Variants in CERS5 observed in about 807,000 individuals in gnomAD.
CERS5 encodes the protein LAG1 homolog, ceramide synthase 5.
In CERS5, 37 loss-of-function variants were observed where a neutral mutation model predicts 58.9. The observed-to-expected ratio is 0.63, with a 90% CI of 0.48 to 0.83. The LOEUF (loss-of-function observed/expected upper bound fraction) is 0.83. Among genes scored for constraint, CERS5 ranks in the 40% least tolerant of loss-of-function variants. The pLI, the probability that CERS5 is intolerant of heterozygous loss-of-function variation, is 0.00. For synonymous variants in CERS5, 147 were observed against 177.8 expected, an observed-to-expected ratio of 0.83 and a Z score of 1.38; for missense variants, 398 against 489.3, an observed-to-expected ratio of 0.81 and a Z score of 1.76.
chr12:50,162,790 G>C (rs1314217946), intron 1 of CERS5, among the ~76,000 whole-genome samples: 1 of 152,130 alleles, frequency 6.6e-6, no homozygotes. Context: ...TTTTAGTAGA[G>C]ATGGGGTTTC....
chr12:50,143,267 A>G, intron 2 of CERS5, 63 bp from the exon 3 acceptor site: 1 of 1,585,206 alleles, frequency 6.3e-7, no homozygotes, highest in Non-Finnish European at 8.6e-7. Flanking sequence ...AATCCCATTG[A>G]CTAGCTGAGC....
At chr12:50,134,912 A>G in intron 8 of CERS5, 1 of 566,360 alleles carries the variant, frequency 1.8e-6, no homozygotes, top group South Asian at 2.3e-5. Flanking sequence ...AGATATATAA[A>G]TCTTAGGAAC....
intron 1 of CERS5, among the ~76,000 whole-genome samples, chr12:50,148,919 AAAAAAAAAAT>A (rs1429526618): frequency 5.6e-5 from 4 of 70,894 alleles, no homozygotes; most frequent in African/African-American, 1.6e-4. Flanking sequence ...AAAAAAAAAA[AAAAAAAAAAT>A]ATATATATAT....
chr12:50,132,821 AG>A, intron 9 of CERS5: 1 of 1,072,622 alleles, frequency 9.3e-7, no homozygotes, highest in South Asian at 1.8e-5. Context: ...CTGCAGCTCT[AG>A]TCAATAATGG....
intron 9 of CERS5, among the ~76,000 whole-genome samples, chr12:50,132,607 G>C (rs1370356656): frequency 6.6e-6 from 1 of 152,136 alleles, no homozygotes; most frequent in South Asian, 2.1e-4. Flanking sequence ...CTTTGGATCA[G>C]CTCCTTGAAT....
At chr12:50,158,769 G>A (rs764135380) in intron 1 of CERS5, among the ~76,000 whole-genome samples, 42 of 152,128 alleles carry the variant, frequency 2.8e-4, no homozygotes, top group Non-Finnish European at 4.7e-4. Context: ...CTTTATGCCT[G>A]TAATTGCGAC....
chr12:50,162,432 A>G (rs1049501847), intron 1 of CERS5, among the ~76,000 whole-genome samples: 6 of 152,212 alleles, frequency 3.9e-5, no homozygotes, highest in Middle Eastern at 3.4e-3. Flanking sequence ...CTGTAAAAGG[A>G]GGCCGGAGTT....
intron 1 of CERS5, among the ~76,000 whole-genome samples, chr12:50,155,636 C>T (rs936177710): frequency 5.5e-5 from 8 of 145,752 alleles, no homozygotes; most frequent in African/African-American, 2.0e-4. Flanking sequence ...ACTCGGGAGG[C>T]TGAGGCAGGA....
chr12:50,148,612 A>G (rs1952442353), intron 1 of CERS5: 2 of 310,764 alleles, frequency 6.4e-6, no homozygotes, highest in African/African-American at 2.2e-5. Context: ...AAATAAATAA[A>G]TAGGCCGGGC....
chr12:50,134,196 C>T (rs986071905), intron 9 of CERS5: 2 of 339,368 alleles, frequency 5.9e-6, no homozygotes, highest in Non-Finnish European at 1.1e-5. Flanking sequence ...GCCTGGGTAA[C>T]ATAGTGACAC....
At chr12:50,147,873 G>A (rs1952380874) in intron 1 of CERS5, among the ~76,000 whole-genome samples, 1 of 152,084 alleles carries the variant, frequency 6.6e-6, no homozygotes, top group South Asian at 2.1e-4. Flanking sequence ...GACTTCCTAA[G>A]CTCAAGTGAT....
chr12:50,130,817 A>C lies in CERS5; in HGVS notation c.1030-123T>G, dbSNP rs914627864. 16 of 794,198 alleles carry C rather than the reference A, an allele frequency of 2.0e-5. No homozygotes were observed. In the African/African-American group the frequency reaches 2.6e-4, roughly 13 times the overall value. The allele number at this position is 794,198 out of a possible 1,614,324, so 49.2% of individuals were successfully genotyped here. ...CTGCTTTCTGATGACATCTAACTCA[A>C]AGAAGTATTGTCTGGACTATGGCTA... On this transcript the variant is annotated intron_variant, in intron 9 of 9. Transcript: ENST00000317551.
At chr12:50,133,204 T>G in intron 9 of CERS5, 8 of 1,170,892 alleles carry the variant, frequency 6.8e-6, no homozygotes, top group Non-Finnish European at 8.6e-6. Context: ...TAGGCCACAT[T>G]CCATCACTTG....
chr12:50,165,562 A>C (rs1394187586), intron 1 of CERS5: 1 of 153,202 alleles, frequency 6.5e-6, no homozygotes. Context: ...CTGGCAGAGC[A>C]TTTTGATGAT....
At chr12:50,134,474 T>G (rs751613450) in intron 9 of CERS5, 72 bp downstream of exon 9, 2 of 1,612,494 alleles carry the variant, frequency 1.2e-6, no homozygotes. Flanking sequence ...CCAGGTTTGA[T>G]GGAGAGAGAA....
At chr12:50,133,104 A>G (rs1214183376) in intron 9 of CERS5, 7 of 1,283,206 alleles carry the variant, frequency 5.5e-6, no homozygotes, top group Non-Finnish European at 6.1e-6. Flanking sequence ...AGAGATGTCC[A>G]GTAGCTACAG....
At chr12:50,148,969 T>TGCGC (rs1555196283) in intron 1 of CERS5, among the ~76,000 whole-genome samples, 3 of 140,064 alleles carry the variant, frequency 2.1e-5, no homozygotes, top group African/African-American at 8.1e-5. Context: ...TGTGTGTGTG[T>TGCGC]GCGTGTAGAC....
chr12:50,132,517 AAAT>A (rs1258613451), intron 9 of CERS5, among the ~76,000 whole-genome samples: 12 of 152,232 alleles, frequency 7.9e-5, no homozygotes, highest in Non-Finnish European at 1.5e-5. Context: ...GAAGGATAAT[AAAT>A]GTGGTTTAAG....
intron 9 of CERS5, chr12:50,132,921 G>A (rs1394084083): frequency 3.1e-6 from 4 of 1,287,938 alleles, no homozygotes; most frequent in Non-Finnish European, 3.0e-6. Flanking sequence ...ACATTCAGAT[G>A]GACATGCCTC....
Sources: gnomAD v4.1 joint callset for allele counts (sites outside exome capture counted in the v4.1 genomes callset) on GRCh38, gnomAD v4.1.1 for gene constraint, MANE v1.5 for transcripts, NCBI Gene and HGNC (gene_info 2026-07-23, HGNC 2026-07-21) for gene names.